GALNT6: variants seen among roughly 807,000 people sequenced by gnomAD.
GALNT6 encodes the protein GalNAc transferase 6.
In GALNT6, 51 loss-of-function variants were observed where a neutral mutation model predicts 65.9. That is an observed-to-expected ratio of 0.77 (90% CI 0.62 to 0.98). The LOEUF (loss-of-function observed/expected upper bound fraction) is 0.98. Among genes scored for constraint, GALNT6 ranks in the 50% least tolerant of loss-of-function variants. The pLI is 0.00. For missense variants in GALNT6, 708 were observed against 803.3 expected (o/e 0.88, Z 1.43); for synonymous variants, 323 against 315.1 (o/e 1.02, Z -0.26).
intron 4 of GALNT6, among the ~76,000 whole-genome samples, chr12:51,372,345 A>T (rs1330687139): frequency 6.6e-6 from 1 of 152,116 alleles, no homozygotes. Context: ...AGTAGCTGGG[A>T]CTACAGGCAC....
intron 2 of GALNT6, chr12:51,382,336 G>A (rs1947701374): frequency 6.6e-6 from 1 of 152,244 alleles, no homozygotes; most frequent in African/African-American, 2.4e-5. Flanking sequence ...GAATCAAAGA[G>A]GTACCCTTGA....
intron 4 of GALNT6, among the ~76,000 whole-genome samples, chr12:51,370,223 A>C (rs955965028): frequency 3.9e-5 from 6 of 152,256 alleles, no homozygotes; most frequent in African/African-American, 1.2e-4. Flanking sequence ...TGGTGTATAC[A>C]TACAATAGAA....
At chr12:51,356,619 C>G (rs1430415251) in intron 10 of GALNT6, among the ~76,000 whole-genome samples, 3 of 152,070 alleles carry the variant, frequency 2.0e-5, no homozygotes, top group Non-Finnish European at 2.9e-5. Flanking sequence ...CTGCCTCACC[C>G]TCCCAAAGTG....
intron 4 of GALNT6, among the ~76,000 whole-genome samples, chr12:51,372,143 G>C (rs1388957459): frequency 6.6e-6 from 1 of 152,170 alleles, no homozygotes; most frequent in Non-Finnish European, 1.5e-5. Flanking sequence ...GATTTTAACA[G>C]ATTCTGAAAG....
chr12:51,360,748 T>C lies in GALNT6; in HGVS notation c.1140A>G (p.Gly380=), dbSNP rs768788589. The part of the protein sequence containing the change: ...GTYDNQMEIW[G]GENVEMSFRV... ...GGAAGGACATTTCCACGTTCTCCCC[T>C]CCCCAGATCTCCATCTGATTATCAT... The change falls in exon 7 of 12, where the codon GGA becomes GGG. Residue 380 remains glycine (G), a synonymous_variant. Transcript: ENST00000356317. 4 of 1,610,756 alleles carry C rather than the reference T, an allele frequency of 2.5e-6. No homozygotes were observed. The highest frequency in any genetic ancestry group is 2.2e-5 in the East Asian group (1 of 44,870).
In GALNT6 at chr12:51,352,861, G is replaced by A. The variant is rs1450979751; in HGVS notation, c.*1518C>T. On this transcript the variant is annotated 3_prime_UTR_variant, in exon 12 of 12. Coordinates refer to ENST00000356317, the MANE Select transcript of GALNT6 (RefSeq NM_007210.4). ...TAATTTTTATATTTTTAGTAGAGAT[G>A]GGGTTTTACCATGTTGGCCAGGCTG... The A allele has an allele frequency of 6.6e-6, 1 of 152,244 alleles. No individual in the cohort carries two copies. The allele number at this position is 152,244 out of a possible 1,614,324, so 9.4% of individuals were successfully genotyped here.
At chr12:51,377,435 AT>A in intron 3 of GALNT6, 68 bp from the exon 4 acceptor site, 1 of 1,341,010 alleles carries the variant, frequency 7.5e-7, no homozygotes, top group Non-Finnish European at 1.1e-6. Context: ...GGAGGGCCCC[AT>A]CCAGAGACTC....
rs1947867334 is a variant in GALNT6, at chr12:51,387,086, AT to A, written c.-104+3763del. Among the ~76,000 whole-genome samples, 1 of 151,938 alleles carries A rather than the reference AT, an allele frequency of 6.6e-6. No individual in the cohort carries two copies. The highest frequency in any genetic ancestry group is 2.4e-5 in the African/African-American group (1 of 41,368). On this transcript the variant is annotated intron_variant, in intron 2 of 11. Transcript: ENST00000356317. The surrounding 1 kb of genome is among the most constrained non-coding windows in gnomAD (Gnocchi z 4.2). ...AAGTTCCCCCAACATATCAAGGTTC[AT>A]TTTATGTTTGCATAATTTTTTTTTT... is the stretch of plus-strand genomic sequence containing the variant.
chr12:51,377,494 A>C (rs1417323494), intron 3 of GALNT6, 127 bp from the exon 4 acceptor site: 3 of 742,492 alleles, frequency 4.0e-6, no homozygotes, highest in Non-Finnish European at 6.9e-6. Flanking sequence ...CATTCTCTAT[A>C]GCAGGTGGGA....
rs560439648 is a variant in GALNT6 at position 51,380,024 on chromosome 12, C to T, written c.-103-140G>A. On this transcript the variant is annotated intron_variant, in intron 2 of 11. Transcript: ENST00000356317. ...CCACAACTTTCCCATATCTACATTT[C>T]CTTCATCCATAAAATGAGGAGACCG... The T allele has an allele frequency of 2.1e-4, 113 of 543,168 alleles. 1 individual carries two copies. The highest frequency in any genetic ancestry group is 2.0e-3 in the East Asian group (67 of 33,894). 33.6% of individuals were successfully genotyped at this position (543,168 alleles called of 1,614,324 possible). A position where few individuals can be genotyped will look rare whatever the true frequency, so the allele number is the denominator to read the frequency against.
intron 4 of GALNT6, among the ~76,000 whole-genome samples, chr12:51,370,004 C>G (rs1440228228): frequency 2.0e-5 from 3 of 152,140 alleles, no homozygotes; most frequent in African/African-American, 7.2e-5. Context: ...ATGGTGTTTC[C>G]TTATGGAAAG....
intron 10 of GALNT6, among the ~76,000 whole-genome samples, chr12:51,356,160 A>ATG (rs967153726): frequency 1.8e-4 from 27 of 150,800 alleles, no homozygotes; most frequent in Admixed American, 8.6e-4. Flanking sequence ...ATATATATAT[A>ATG]TGTGTGTGTG....
chr12:51,363,093 C>G (rs1205109215), intron 6 of GALNT6, among the ~76,000 whole-genome samples: 1 of 152,022 alleles, frequency 6.6e-6, no homozygotes, highest in Non-Finnish European at 1.5e-5. Context: ...TCTCTGGCTA[C>G]TGTATCTCCA....
chr12:51,369,653 T>C (rs1947225572), intron 4 of GALNT6, among the ~76,000 whole-genome samples: 1 of 152,172 alleles, frequency 6.6e-6, no homozygotes. Context: ...TGGAACAAAA[T>C]GGAAAATTCA....
At chr12:51,380,182 G>A (rs190085433) in intron 2 of GALNT6, among the ~76,000 whole-genome samples, 1 of 152,106 alleles carries the variant, frequency 6.6e-6, no homozygotes, top group Admixed American at 6.5e-5. Flanking sequence ...GAAACAACTT[G>A]GTATTATCAA....
In GALNT6 at chr12:51,358,236, C is replaced by T. The variant is rs529165846; in HGVS notation, c.1394G>A (p.Arg465Gln). 13 of 1,613,496 alleles carry T rather than the reference C, an allele frequency of 8.1e-6. No individual in the cohort carries two copies. The highest frequency in any genetic ancestry group is 1.3e-5 in the African/African-American group (1 of 74,842). ...GTGCAGTTGTTCCCTCAGCTGCAGT[C>T]GTTCCGAAATGTCACCGAAGGATTT... ...QEKSFGDISE[R>Q]LQLREQLHCH... Residue 465 changes from arginine (R) to glutamine (Q), a missense_variant, in exon 9 of 12, where the codon CGA (arginine) becomes CAA (glutamine). Physicochemically the swap from Arg to Gln is conservative, Grantham distance 43 (BLOSUM62 1). Coordinates refer to ENST00000356317, the MANE Select transcript of GALNT6 (RefSeq NM_007210.4).
intron 2 of GALNT6, among the ~76,000 whole-genome samples, chr12:51,380,420 A>G (rs1380924434): frequency 1.3e-5 from 2 of 152,230 alleles, no homozygotes; most frequent in Non-Finnish European, 2.9e-5. Flanking sequence ...CCAAGAATGA[A>G]CCACTTCTCC....
intron 11 of GALNT6, among the ~76,000 whole-genome samples, chr12:51,355,301 A>G (rs1670629304): frequency 6.6e-6 from 1 of 151,790 alleles, no homozygotes; most frequent in Admixed American, 6.6e-5. Flanking sequence ...ATAACCTGTC[A>G]CCCCATTTTT....
intron 6 of GALNT6, among the ~76,000 whole-genome samples, chr12:51,362,401 G>C (rs904966099): frequency 3.3e-5 from 5 of 152,188 alleles, no homozygotes; most frequent in African/African-American, 1.2e-4. Flanking sequence ...TGAGATGGGA[G>C]GCCGGGAGGG....
Sources: allele counts gnomAD v4.1 joint callset (sites outside exome capture counted in the v4.1 genomes callset), GRCh38; gene constraint gnomAD v4.1.1; non-coding constraint Gnocchi (gnomAD v3.1); transcripts MANE v1.5; gene names NCBI Gene and HGNC (gene_info 2026-07-23, HGNC 2026-07-21).